NPHP1: variants seen among roughly 807,000 people sequenced by gnomAD.
NPHP1 encodes the protein nephrocystin-1.
A neutral mutation model predicts 90.4 loss-of-function variants in NPHP1; 70 were observed. The ratio of observed to expected loss-of-function variants is 0.77; its 90% CI spans 0.64 to 0.95. The LOEUF (loss-of-function observed/expected upper bound fraction) is 0.95. Ranked by LOEUF, NPHP1 falls within the 40% of genes least tolerant of loss-of-function variation. NPHP1 has a pLI of 0.00. For synonymous variants in NPHP1, 256 were observed against 271.7 expected, an observed-to-expected ratio of 0.94 and a Z score of 0.57; for missense variants, 764 against 795.9, an observed-to-expected ratio of 0.96 and a Z score of 0.48.
chr2:110,129,180 AC>A lies in NPHP1; in HGVS notation c.1716+5del. ...GCAGGTTTCCATTGCAATGCATGCT[AC>A]CCACCCTGAGAGCATCCATCACATC... On this transcript the variant is annotated splice_donor_5th_base_variant and intron_variant, in intron 18 of 19. Coordinates refer to ENST00000445609, the MANE Select transcript of NPHP1 (RefSeq NM_001128178.3). 2 of 1,608,394 alleles carry A rather than the reference AC, an allele frequency of 1.2e-6. No individual in the cohort carries two copies. Among genetic ancestry groups the A allele is most frequent in the Non-Finnish European group, 1.7e-6 (2 of 1,175,296 alleles).
intron 17 of NPHP1, among the ~76,000 whole-genome samples, chr2:110,130,527 C>T (rs1015171317): frequency 1.6e-4 from 24 of 152,288 alleles, no homozygotes; most frequent in African/African-American, 4.6e-4. Context: ...TCCTTGAGAA[C>T]TTTCTGCGCT....
intron 16 of NPHP1, among the ~76,000 whole-genome samples, chr2:110,139,654 A>G (rs1487649988): frequency 1.3e-5 from 2 of 152,198 alleles, no homozygotes; most frequent in Non-Finnish European, 2.9e-5. Flanking sequence ...CACTAATGCA[A>G]ACTCTAACTA....
chr2:110,127,907 T>C lies in NPHP1; in HGVS notation c.1716+1279A>G, dbSNP rs1481479640. 2.0e-5 allele frequency: 3 copies of C among 152,154 alleles called. No individual in the cohort carries two copies. The East Asian group carries it at 5.8e-4, about 29-fold the overall frequency. 9.4% of individuals were successfully genotyped at this position (152,154 alleles called of 1,614,324 possible). A position where few individuals can be genotyped will look rare whatever the true frequency, so the allele number is the denominator to read the frequency against. Reference sequence around the variant, plus strand: ...TAATACATAGTAGGCTCTTGTGAAATCTTTGTTGAAGAATCAGTGTATATA... The same window carrying C: ...TAATACATAGTAGGCTCTTGTGAAACCTTTGTTGAAGAATCAGTGTATATA... On this transcript the variant is annotated intron_variant, in intron 18 of 19. Coordinates refer to ENST00000445609, the MANE Select transcript of NPHP1 (RefSeq NM_001128178.3).
rs1367536134 is a variant in NPHP1 at position 110,147,944 on chromosome 2, A to T, written c.1241T>A (p.Phe414Tyr). ...GCGAATATAAGAAATTCCAAGTTCA[A>T]ATAATATTCCAAGATCTGGAGATGC... The part of the protein sequence containing the change: ...NSASPDLGIL[F>Y]ELGISYIRNS... The change falls in exon 13 of 20, where the codon TTT becomes TAT. Residue 414 changes from phenylalanine to tyrosine, a missense_variant. Physicochemically the swap from Phe to Tyr is conservative, Grantham distance 22. Coordinates refer to ENST00000445609, the MANE Select transcript of NPHP1 (RefSeq NM_001128178.3). 6.2e-7 allele frequency: 1 copy of T among 1,603,666 alleles called. No individual in the cohort carries two copies. The highest frequency in any genetic ancestry group is 2.2e-5 in the East Asian group (1 of 44,832).
chr2:110,191,197 G>A (rs910983504), intron 2 of NPHP1, among the ~76,000 whole-genome samples: 1 of 152,158 alleles, frequency 6.6e-6, no homozygotes, highest in Non-Finnish European at 1.5e-5. Context: ...CACCGAGCAT[G>A]AGCTGAAGCA....
At chr2:110,204,359 T>A (rs576906277) in intron 1 of NPHP1, among the ~76,000 whole-genome samples, 1 of 152,350 alleles carries the variant, frequency 6.6e-6, no homozygotes, top group East Asian at 1.9e-4. Flanking sequence ...ATGAGTTACT[T>A]GTATTTCCTC....
rs1017750255 is a variant in NPHP1 at position 110,131,769 on chromosome 2, CA to C, written c.1551del (p.Ile517MetfsTer10). The C allele has an allele frequency of 1.1e-5, 17 of 1,607,610 alleles. No individual in the cohort carries two copies. Among genetic ancestry groups the C allele is most frequent in the Non-Finnish European group, 1.4e-5 (17 of 1,174,414 alleles). On this transcript the variant is annotated frameshift_variant, in exon 17 of 20. Coordinates refer to ENST00000445609, the MANE Select transcript of NPHP1 (RefSeq NM_001128178.3). LOFTEE classifies it high-confidence loss of function. ...AACAAGTGAATAGAACACATATTTC[CA>C]ATTAATGTTTCTGGCAGTAGACTAT... is the stretch of plus-strand genomic sequence containing the variant. The part of the protein sequence containing the change: ...NVLSLLPETL[I>X]GNMCSIHLLI...
intron 2 of NPHP1, among the ~76,000 whole-genome samples, chr2:110,192,595 C>T (rs984042841): frequency 7.2e-5 from 11 of 152,104 alleles, no homozygotes; most frequent in African/African-American, 2.4e-4. Context: ...AAGATATTAT[C>T]CAGGAGAACT....
chr2:110,151,029 G>T (rs1381154757), intron 11 of NPHP1, among the ~76,000 whole-genome samples: 1 of 151,668 alleles, frequency 6.6e-6, no homozygotes, highest in Non-Finnish European at 1.5e-5. Context: ...AGCTGGGTGT[G>T]GTGGTGTGTG....
intron 2 of NPHP1, among the ~76,000 whole-genome samples, chr2:110,196,761 C>T (rs1275226141): frequency 6.6e-6 from 1 of 152,114 alleles, no homozygotes; most frequent in Non-Finnish European, 1.5e-5. Context: ...ACCCAAATGT[C>T]CAACAATGAT....
chr2:110,157,538 C>T (rs1031682177), intron 11 of NPHP1, among the ~76,000 whole-genome samples: 5 of 152,118 alleles, frequency 3.3e-5, no homozygotes, highest in African/African-American at 1.2e-4. Flanking sequence ...ATGTCAACTC[C>T]TCCAAACGTG....
At chr2:110,157,251 C>T (rs1681973921) in intron 11 of NPHP1, among the ~76,000 whole-genome samples, 1 of 151,988 alleles carries the variant, frequency 6.6e-6, no homozygotes, top group African/African-American at 2.4e-5. Context: ...AAATAAAATT[C>T]CATTCCTTTT....
intron 1 of NPHP1, 147 bp from the exon 2 acceptor site, chr2:110,201,641 G>A (rs956073364): frequency 7.5e-5 from 47 of 628,538 alleles, no homozygotes; most frequent in Non-Finnish European, 1.1e-4. Context: ...CCATATACCC[G>A]CTACCTAGAA....
chr2:110,151,192 G>A (rs1681447892), intron 11 of NPHP1, among the ~76,000 whole-genome samples: 4 of 140,890 alleles, frequency 2.8e-5, no homozygotes, highest in Admixed American at 1.4e-4. Context: ...AAAAAAAGAT[G>A]TGACCCATAC....
chr2:110,148,118 A>C, intron 12 of NPHP1, 92 bp from the exon 13 acceptor site: 2 of 852,732 alleles, frequency 2.3e-6, no homozygotes, highest in Non-Finnish European at 4.0e-6. Context: ...ACCAAATTTC[A>C]TGTTGAATTG....
intron 15 of NPHP1, chr2:110,143,968 G>A: frequency 2.8e-6 from 1 of 356,784 alleles, no homozygotes; most frequent in South Asian, 2.6e-5. Context: ...AGCAGAGGTG[G>A]CATGTCTTGA....
intron 8 of NPHP1, chr2:110,164,302 G>A: frequency 1.8e-6 from 1 of 562,038 alleles, no homozygotes; most frequent in Non-Finnish European, 3.1e-6. Flanking sequence ...TTCCCAAAAT[G>A]TTGGGATTAC....
In NPHP1 at chr2:110,179,656, C is replaced by G. The variant is rs558873032; in HGVS notation, c.172G>C (p.Glu58Gln). Residue 58 changes from glutamate to glutamine, a missense_variant, in exon 3 of 20, where the codon GAA becomes CAA. Coordinates refer to ENST00000445609, the MANE Select transcript of NPHP1 (RefSeq NM_001128178.3). ...RCIQLKQAID[E>Q]NKNALQKLSK... ...AATTTTTGAAGAGCATTTTTATTTT[C>G]ATCTATTGCCTGCTTTAACTGGATA... 3.6e-6 allele frequency: 5 copies of G among 1,387,506 alleles called. No homozygotes were observed. The South Asian group carries it at 5.8e-5, about 16-fold the overall frequency. 85.9% of individuals were successfully genotyped at this position (1,387,506 alleles called of 1,614,324 possible).
intron 1 of NPHP1, 106 bp downstream of exon 1, chr2:110,204,794 G>C: frequency 8.4e-7 from 1 of 1,186,904 alleles, no homozygotes; most frequent in Non-Finnish European, 1.2e-6. Context: ...AAGTAGGTTG[G>C]GGGCAAGCTC....
Sources: allele counts gnomAD v4.1 joint callset (sites outside exome capture counted in the v4.1 genomes callset), GRCh38; gene constraint gnomAD v4.1.1; transcripts MANE v1.5; gene names NCBI Gene and HGNC (gene_info 2026-07-23, HGNC 2026-07-21).